The following STAU2 variants were observed in gnomAD, a reference collection of about 807,000 sequenced individuals.
The protein encoded by STAU2 is double-stranded RNA-binding protein Staufen homolog 2.
Under a neutral mutation model 65.9 loss-of-function variants are expected in STAU2, and 20 were observed. The ratio of observed to expected loss-of-function variants is 0.30; its 90% confidence interval spans 0.21 to 0.44. The LOEUF (loss-of-function observed/expected upper bound fraction) is 0.44. STAU2 is among the 20% of genes least tolerant of loss of function. The probability of loss-of-function intolerance (pLI) is 1.00; values close to 1 mark genes in which losing one functional copy is unlikely to be tolerated. For missense variants in STAU2, 558 were observed against 683.9 expected, an observed-to-expected ratio of 0.82 and a Z score of 2.05; for synonymous variants, 232 against 233.9, an observed-to-expected ratio of 0.99 and a Z score of 0.07.
intron 9 of STAU2, among the ~76,000 whole-genome samples, chr8:73,607,513 T>G (rs1364401184): frequency 6.6e-6 from 1 of 151,940 alleles, no homozygotes; most frequent in African/African-American, 2.4e-5. Context: ...GCAGATCACC[T>G]GAGGTCGGGA....
At chr8:73,728,711 TTC>T (rs1563533827) in intron 3 of STAU2, among the ~76,000 whole-genome samples, 2 of 152,224 alleles carry the variant, frequency 1.3e-5, no homozygotes, top group African/African-American at 2.4e-5. Flanking sequence ...CTTTTAAAAT[TTC>T]TTTTTGTATT....
chr8:73,667,932 T>C (rs1163439343), intron 6 of STAU2, among the ~76,000 whole-genome samples: 1 of 152,234 alleles, frequency 6.6e-6, no homozygotes, highest in Non-Finnish European at 1.5e-5. Flanking sequence ...AATAATTTTC[T>C]CTAAAAATCT....
intron 1 of STAU2, among the ~76,000 whole-genome samples, chr8:73,743,360 GTT>G (rs1244421758): frequency 2.6e-5 from 4 of 151,902 alleles, no homozygotes; most frequent in African/African-American, 9.7e-5. Flanking sequence ...TAGAGGTTGG[GTT>G]ATTTGCCTAC....
chr8:73,548,253 T>C lies in STAU2; in HGVS notation c.1530+3759A>G, dbSNP rs568857290. 1.2e-3 allele frequency among the ~76,000 whole-genome samples: 153 copies of C among 130,770 alleles called. 2 individuals are homozygous for C. The highest frequency in any genetic ancestry group is 3.7e-3 in the Middle Eastern group (1 of 268). The allele number at this position is 130,770 out of a possible 152,430, so 85.8% of individuals were successfully genotyped here. A position where few individuals can be genotyped will look rare whatever the true frequency, so the allele number is the denominator to read the frequency against. On this transcript the variant is annotated intron_variant, in intron 13 of 14. Coordinates refer to ENST00000524300, the MANE Select transcript of STAU2 (RefSeq NM_001164380.2). ...CCTAACAAAAATGAATACCTTATTCTAAAAAAAAAAAAAAAGCTGCTGCAA... is the reference window on the plus strand; with the variant it reads ...CCTAACAAAAATGAATACCTTATTCCAAAAAAAAAAAAAAAGCTGCTGCAA...
At chr8:73,554,569 G>A (rs918486343) in intron 12 of STAU2, among the ~76,000 whole-genome samples, 2 of 152,196 alleles carry the variant, frequency 1.3e-5, no homozygotes, top group Non-Finnish European at 2.9e-5. Context: ...TATGGCATGA[G>A]GGTATCTTAA....
chr8:73,615,931 G>T, intron 7 of STAU2, 149 bp from the exon 8 acceptor site: 1 of 543,738 alleles, frequency 1.8e-6, no homozygotes, highest in South Asian at 2.8e-5. Context: ...AACCACAGCG[G>T]TCAAGGGCTT....
At chr8:73,438,385 C>A (rs1445619109) in intron 13 of STAU2, among the ~76,000 whole-genome samples, 1 of 152,126 alleles carries the variant, frequency 6.6e-6, no homozygotes, top group Non-Finnish European at 1.5e-5. Flanking sequence ...GCAATGACAC[C>A]AAGAGGTGGT....
At chr8:73,582,348 G>C (rs1481837340) in intron 12 of STAU2, among the ~76,000 whole-genome samples, 5 of 151,366 alleles carry the variant, frequency 3.3e-5, no homozygotes, top group Admixed American at 6.6e-5. Flanking sequence ...ATAAAAATTT[G>C]TGTGCATAAA....
intron 13 of STAU2, among the ~76,000 whole-genome samples, chr8:73,424,147 C>T (rs2053860193): frequency 6.7e-6 from 1 of 148,852 alleles, no homozygotes; most frequent in African/African-American, 2.5e-5. Context: ...CAATATGTCA[C>T]CTTTTCAGAT....
intron 4 of STAU2, among the ~76,000 whole-genome samples, chr8:73,694,478 C>T (rs1819565535): frequency 6.6e-6 from 1 of 152,134 alleles, no homozygotes; most frequent in Admixed American, 6.5e-5. Context: ...AGACCACACA[C>T]AAAGTATGTT....
At chr8:73,674,593 T>C (rs1024010027) in intron 5 of STAU2, among the ~76,000 whole-genome samples, 1 of 151,664 alleles carries the variant, frequency 6.6e-6, no homozygotes, top group Non-Finnish European at 1.5e-5. Flanking sequence ...AACCACATAT[T>C]CTAAAGATTT....
At chr8:73,683,569 T>C (rs1818582456) in intron 5 of STAU2, among the ~76,000 whole-genome samples, 1 of 152,096 alleles carries the variant, frequency 6.6e-6, no homozygotes. Context: ...ATGCCCACTT[T>C]CACCACTTCT....
rs1040248225 is a variant in STAU2, at chr8:73,466,853, C to G, written c.1531-44151G>C. ...TTGCTAGATGCCAGGGATACACAGACGGTTGTGGCACCGCCTCAGCTCTCA... is the reference window on the plus strand; with the variant it reads ...TTGCTAGATGCCAGGGATACACAGAGGGTTGTGGCACCGCCTCAGCTCTCA... On this transcript the variant is annotated intron_variant, in intron 13 of 14. Transcript: ENST00000524300. Among the ~76,000 whole-genome samples the G allele has an allele frequency of 2.6e-5, 4 of 152,224 alleles. No individual in the cohort carries two copies. In the South Asian group the frequency reaches 6.2e-4, roughly 24 times the overall value.
intron 13 of STAU2, among the ~76,000 whole-genome samples, chr8:73,449,032 C>T (rs946776134): frequency 6.6e-6 from 1 of 152,228 alleles, no homozygotes; most frequent in Non-Finnish European, 1.5e-5. Flanking sequence ...GAGTCGGCCC[C>T]CGGCGCAGGA....
chr8:73,624,177 C>T (rs1813474400), intron 6 of STAU2, among the ~76,000 whole-genome samples: 1 of 151,974 alleles, frequency 6.6e-6, no homozygotes, highest in Non-Finnish European at 1.5e-5. Context: ...GAAGTCTAGT[C>T]CCTATCCAAA....
At chr8:73,676,037 A>C (rs1174878958) in intron 5 of STAU2, among the ~76,000 whole-genome samples, 1 of 152,212 alleles carries the variant, frequency 6.6e-6, no homozygotes, top group African/African-American at 2.4e-5. Flanking sequence ...CTATTTCCAC[A>C]AATTGTATAT....
At chr8:73,436,975 A>G (rs1817749837) in intron 13 of STAU2, among the ~76,000 whole-genome samples, 1 of 152,172 alleles carries the variant, frequency 6.6e-6, no homozygotes, top group South Asian at 2.1e-4. Flanking sequence ...CATGCCATTA[A>G]CACACCTAAC....
At chr8:73,687,108 TATATAA>T (rs1818902380) in intron 5 of STAU2, among the ~76,000 whole-genome samples, 1 of 144,920 alleles carries the variant, frequency 6.9e-6, no homozygotes, top group Non-Finnish European at 1.5e-5. Flanking sequence ...GGCCAGGCTA[TATATAA>T]ATATATAGTT....
At chr8:73,697,692 A>C (rs980153166) in intron 4 of STAU2, among the ~76,000 whole-genome samples, 9 of 152,248 alleles carry the variant, frequency 5.9e-5, no homozygotes, top group Non-Finnish European at 7.3e-5. Flanking sequence ...AGCGGGGACA[A>C]AGTTAAAGTG....
Sources: allele counts gnomAD v4.1 joint callset (sites outside exome capture counted in the v4.1 genomes callset), GRCh38; gene constraint gnomAD v4.1.1; transcripts MANE v1.5; gene names NCBI Gene and HGNC (gene_info 2026-07-23, HGNC 2026-07-21).